Variants in CYTH3 observed in about 807,000 individuals in gnomAD.
CYTH3 encodes cytohesin 3.
A neutral mutation model predicts 55.1 loss-of-function variants in CYTH3; 23 were observed. The observed-to-expected ratio is 0.42, with a 90% CI of 0.30 to 0.59. The LOEUF (loss-of-function observed/expected upper bound fraction) is 0.59. Ranked by LOEUF, CYTH3 falls within the 20% of genes least tolerant of loss-of-function variation. The probability of loss-of-function intolerance (pLI) is 0.20; values close to 1 mark genes in which losing one functional copy is unlikely to be tolerated. For missense variants in CYTH3, 413 were observed against 524.8 expected (o/e 0.79, Z 2.08); for synonymous variants, 249 against 194.9 (o/e 1.28, Z -2.31).
chr7:6,247,916 C>G (rs1779863203), intron 1 of CYTH3, among the ~76,000 whole-genome samples: 1 of 152,012 alleles, frequency 6.6e-6, no homozygotes, highest in Admixed American at 6.6e-5. Flanking sequence ...ATCCCCCCAT[C>G]TCAGCCTCCC....
intron 1 of CYTH3, among the ~76,000 whole-genome samples, chr7:6,248,248 A>G (rs1406474128): frequency 7.7e-5 from 9 of 116,636 alleles, no homozygotes; most frequent in Admixed American, 6.9e-4. Context: ...CCCCCCAGCC[A>G]AAAAAAAAAA....
At chr7:6,265,123 A>G (rs1391415389) in intron 1 of CYTH3, among the ~76,000 whole-genome samples, 1 of 152,192 alleles carries the variant, frequency 6.6e-6, no homozygotes, top group Non-Finnish European at 1.5e-5. Context: ...GACAGAGCAG[A>G]GTCAGGGAGG....
In CYTH3 at chr7:6,164,863, C is replaced by T. The variant is rs1782940745; in HGVS notation, c.*81G>A. On this transcript the variant is annotated 3_prime_UTR_variant, in exon 13 of 13. Transcript: ENST00000350796. Reference sequence around the variant, plus strand: ...GCACCGCAGGGCGACTGCCTCCCTGCCACGCCTTCCGCGGAGGGGCCGCCC... The same window carrying T: ...GCACCGCAGGGCGACTGCCTCCCTGTCACGCCTTCCGCGGAGGGGCCGCCC... 3 of 1,499,302 alleles carry T rather than the reference C, an allele frequency of 2.0e-6. No individual in the cohort carries two copies. The highest frequency in any genetic ancestry group is 4.5e-5 in the East Asian group (2 of 44,276). The allele number at this position is 1,499,302 out of a possible 1,614,324, so 92.9% of individuals were successfully genotyped here. A position where few individuals can be genotyped will look rare whatever the true frequency, so the allele number is the denominator to read the frequency against.
In CYTH3 at chr7:6,248,247, C is replaced by CAA. The variant is rs754789105; in HGVS notation, c.34+24225_34+24226dup. Among the ~76,000 whole-genome samples the CAA allele has an allele frequency of 4.5e-3, 579 of 128,248 alleles. 11 individuals are homozygous for CAA. The highest frequency in any genetic ancestry group is 0.016 in the African/African-American group (550 of 34,524). The allele number at this position is 128,248 out of a possible 152,430, so 84.1% of individuals were successfully genotyped here. ...CATCCTCCCCCAACCCCCCCCCAGC[C>CAA]AAAAAAAAAAAAAAGAATAGCTGGA... On this transcript the variant is annotated intron_variant, in intron 1 of 12. Coordinates refer to ENST00000350796, the MANE Select transcript of CYTH3 (RefSeq NM_004227.4).
chr7:6,263,846 G>A (rs945569139), intron 1 of CYTH3, among the ~76,000 whole-genome samples: 3 of 151,636 alleles, frequency 2.0e-5, no homozygotes, highest in African/African-American at 4.8e-5. Context: ...TAGACAAAAC[G>A]TGATCGCAGT....
chr7:6,180,828 G>A (rs1783487444), intron 4 of CYTH3, among the ~76,000 whole-genome samples: 1 of 152,212 alleles, frequency 6.6e-6, no homozygotes. Flanking sequence ...TCTTCTAGGT[G>A]TGGGTCTCAA....
chr7:6,233,511 C>A (rs1237086943), intron 1 of CYTH3, among the ~76,000 whole-genome samples: 1 of 152,018 alleles, frequency 6.6e-6, no homozygotes. Flanking sequence ...AAAAAATTAG[C>A]TGGGCGTGGT....
intron 5 of CYTH3, among the ~76,000 whole-genome samples, chr7:6,175,345 A>AAGTAG (rs1286253754): frequency 1.3e-5 from 2 of 152,134 alleles, no homozygotes; most frequent in Non-Finnish European, 2.9e-5. Flanking sequence ...TATTCTGATG[A>AAGTAG]AGTAGAGTCT....
chr7:6,182,102 C>T (rs1282371847), intron 4 of CYTH3, among the ~76,000 whole-genome samples: 1 of 152,028 alleles, frequency 6.6e-6, no homozygotes, highest in African/African-American at 2.4e-5. Flanking sequence ...GGCTGGAGTG[C>T]ATTAGTGCAA....
chr7:6,248,099 A>G (rs1019777815), intron 1 of CYTH3, among the ~76,000 whole-genome samples: 1 of 151,852 alleles, frequency 6.6e-6, no homozygotes, highest in African/African-American at 2.4e-5. Flanking sequence ...TTTACTTCTC[A>G]TTTCTATAAT....
chr7:6,269,576 A>T (rs1402066043), intron 1 of CYTH3, among the ~76,000 whole-genome samples: 1 of 90,428 alleles, frequency 1.1e-5, no homozygotes, highest in Non-Finnish European at 2.0e-5. Context: ...CAAACTAGCC[A>T]GCTACCCTCC....
chr7:6,190,383 TTTACTATTTTACTC>T, intron 2 of CYTH3, 52 bp downstream of exon 2: 1 of 1,200,618 alleles, frequency 8.3e-7, no homozygotes, highest in Non-Finnish European at 1.1e-6. Context: ...AGGCTACTCT[TTTACTATTTTACTC>T]AAAAGCAAAA....
chr7:6,237,714 TAAC>T (rs1779560880), intron 1 of CYTH3, among the ~76,000 whole-genome samples: 2 of 151,678 alleles, frequency 1.3e-5, no homozygotes, highest in South Asian at 2.1e-4. Flanking sequence ...ATCTAAAAAA[TAAC>T]AACAAAAAAA....
At chr7:6,198,148 C>T (rs1435354064) in intron 1 of CYTH3, among the ~76,000 whole-genome samples, 1 of 147,626 alleles carries the variant, frequency 6.8e-6, no homozygotes, top group Non-Finnish European at 1.5e-5. Context: ...TGGCTAGTAA[C>T]ATCTGTAGCA....
intron 1 of CYTH3, among the ~76,000 whole-genome samples, chr7:6,264,499 C>G (rs750953386): frequency 3.0e-4 from 45 of 152,106 alleles, no homozygotes; most frequent in Non-Finnish European, 5.1e-4. Context: ...GTAATCCCAG[C>G]TACTCGGAAG....
intron 1 of CYTH3, among the ~76,000 whole-genome samples, chr7:6,220,179 G>T (rs1466352593): frequency 6.6e-6 from 1 of 152,112 alleles, no homozygotes; most frequent in African/African-American, 2.4e-5. Flanking sequence ...TTACAGGGGT[G>T]AGCCACCGCG....
intron 9 of CYTH3, among the ~76,000 whole-genome samples, 184 bp from the exon 10 acceptor site, chr7:6,165,994 C>T (rs1253232493): frequency 1.3e-5 from 2 of 152,184 alleles, no homozygotes; most frequent in South Asian, 2.1e-4. Flanking sequence ...CCGCCCACAC[C>T]GGCGCCCCCT....
At chr7:6,176,715 G>A (rs1783360448) in intron 5 of CYTH3, among the ~76,000 whole-genome samples, 2 of 152,218 alleles carry the variant, frequency 1.3e-5, no homozygotes, top group East Asian at 1.9e-4. Context: ...ATGTCTTTAT[G>A]TTCTTGTCTA....
chr7:6,254,911 AT>A (rs1441544269), intron 1 of CYTH3, among the ~76,000 whole-genome samples: 1 of 152,192 alleles, frequency 6.6e-6, no homozygotes, highest in African/African-American at 2.4e-5. Context: ...AGATTTGAAC[AT>A]TTTCAAAATA....
Sources: gnomAD v4.1 joint callset for allele counts (sites outside exome capture counted in the v4.1 genomes callset) on GRCh38, gnomAD v4.1.1 for gene constraint, MANE v1.5 for transcripts, NCBI Gene and HGNC (gene_info 2026-07-23, HGNC 2026-07-21) for gene names.